The following LIPA variants were observed in gnomAD, a reference collection of about 807,000 sequenced individuals.
LIPA encodes lysosomal acid lipase/cholesteryl ester hydrolase.
Under a neutral mutation model 40.6 loss-of-function variants are expected in LIPA, and 26 were observed. The observed-to-expected ratio is 0.64, with a 90% CI of 0.47 to 0.89. The LOEUF is 0.89. Among genes scored for constraint, LIPA ranks in the 40% least tolerant of loss-of-function variants. The pLI, the probability that LIPA is intolerant of heterozygous loss-of-function variation, is 0.00. For missense variants in LIPA, 455 were observed against 479.6 expected (o/e 0.95, Z 0.48); for synonymous variants, 188 against 168.4 (o/e 1.12, Z -0.90).
intron 1 of LIPA, among the ~76,000 whole-genome samples, chr10:89,334,417 T>G (rs751129270): frequency 1.3e-5 from 2 of 151,498 alleles, no homozygotes; most frequent in Non-Finnish European, 2.9e-5. Flanking sequence ...AGGACTGGCA[T>G]TCTACTCCCC....
intron 2 of LIPA, among the ~76,000 whole-genome samples, chr10:89,365,616 T>C (rs1564800511): frequency 6.6e-6 from 1 of 152,152 alleles, no homozygotes; most frequent in Admixed American, 6.5e-5. Flanking sequence ...CCATCTTGAA[T>C]TAATTTTTGT....
At chr10:89,384,732 A>G (rs555086894) in intron 2 of LIPA, 2 of 1,603,024 alleles carry the variant, frequency 1.2e-6, no homozygotes, top group South Asian at 2.2e-5. Flanking sequence ...TGAACCCTAT[A>G]TTTTAACATA....
At chr10:89,226,848 T>C in intron 5 of LIPA, 47 bp downstream of exon 5, 1 of 1,105,664 alleles carries the variant, frequency 9.0e-7, no homozygotes, top group Non-Finnish European at 1.4e-6. Context: ...GTACAAACTC[T>C]GTAATGAAGA....
chr10:89,258,912 T>C (rs1451131314), intron 1 of LIPA, among the ~76,000 whole-genome samples: 2 of 152,198 alleles, frequency 1.3e-5, no homozygotes, highest in South Asian at 2.1e-4. Flanking sequence ...ACAACATGGA[T>C]GAATCTTGAA....
intron 1 of LIPA, chr10:89,308,053 CTT>C (rs1162308084): frequency 6.6e-6 from 1 of 152,380 alleles, no homozygotes; most frequent in Non-Finnish European, 1.5e-5. Flanking sequence ...TACAAGAAGA[CTT>C]TCAGCAAGTA....
chr10:89,308,948 T>C (rs552393966), intron 1 of LIPA: 1 of 152,350 alleles, frequency 6.6e-6, no homozygotes, highest in Non-Finnish European at 1.5e-5. Context: ...TCATCTGGAA[T>C]TTTGCTGTAC....
chr10:89,216,918 T>C (rs1438320358), intron 8 of LIPA, among the ~76,000 whole-genome samples: 1 of 152,242 alleles, frequency 6.6e-6, no homozygotes, highest in Non-Finnish European at 1.5e-5. Flanking sequence ...CAAGTAGTAC[T>C]GCATGCCAGC....
intron 2 of LIPA, among the ~76,000 whole-genome samples, chr10:89,386,238 C>T (rs1299673811): frequency 6.6e-6 from 1 of 152,140 alleles, no homozygotes; most frequent in Non-Finnish European, 1.5e-5. Flanking sequence ...ACTAGGGAGG[C>T]ATTTACTACT....
intron 3 of LIPA, among the ~76,000 whole-genome samples, chr10:89,236,020 A>G (rs965047284): frequency 2.0e-5 from 3 of 152,188 alleles, no homozygotes; most frequent in Admixed American, 6.5e-5. Flanking sequence ...ATTTGCAACA[A>G]TTTGAGAAAA....
chr10:89,333,336 G>A (rs1843678810), intron 1 of LIPA, among the ~76,000 whole-genome samples: 1 of 152,148 alleles, frequency 6.6e-6, no homozygotes, highest in African/African-American at 2.4e-5. Context: ...GAGTAAAACA[G>A]AAATAAGGTC....
chr10:89,387,384 A>C (rs539368807), intron 2 of LIPA, among the ~76,000 whole-genome samples: 1 of 152,198 alleles, frequency 6.6e-6, no homozygotes, highest in South Asian at 2.1e-4. Context: ...CATAAGAGGG[A>C]ATCAATAAAC....
At chr10:89,233,265 T>G (rs757247673) in intron 3 of LIPA, among the ~76,000 whole-genome samples, 3 of 152,142 alleles carry the variant, frequency 2.0e-5, no homozygotes, top group Non-Finnish European at 4.4e-5. Flanking sequence ...TGTTTTCAAA[T>G]CTGGAGAATC....
At chr10:89,392,481 G>T (rs867579914) in intron 2 of LIPA, 1,429 of 62,222 alleles carry the variant, frequency 0.023, 28 homozygotes, top group African/African-American at 0.081. Flanking sequence ...ACCCCCCCCC[G>T]TCAGCAGGAA....
chr10:89,248,070 T>C (rs1284905944), intron 1 of LIPA, among the ~76,000 whole-genome samples: 2 of 151,942 alleles, frequency 1.3e-5, no homozygotes, highest in African/African-American at 4.8e-5. Context: ...TTTCACCATA[T>C]TGGCTAGGCT....
rs1348256277 is a variant in LIPA at position 89,225,198 on chromosome 10, A to C, written c.569T>G (p.Leu190Arg). Residue 190 changes from leucine (L) to arginine (R), a missense_variant, in exon 6 of 10, where the codon CTG becomes CGG. Transcript: ENST00000336233. ...AAAAAACATTTTAATCCTTTTAGCC[A>C]GCTCAGGGATCTGTGAAAATGCTAT... ...GFIAFSQIPE[L>R]AKRIKMFFAL... is the part of the protein sequence containing the mutation. 1 of 1,614,210 alleles carries C rather than the reference A, an allele frequency of 6.2e-7. No homozygotes were observed. The highest frequency in any genetic ancestry group is 1.3e-5 in the African/African-American group (1 of 75,060).
intron 3 of LIPA, among the ~76,000 whole-genome samples, chr10:89,242,390 C>G (rs983873666): frequency 6.6e-6 from 1 of 152,214 alleles, no homozygotes; most frequent in African/African-American, 2.4e-5. Context: ...CTAAAGATTG[C>G]TGAATGGCAA....
intron 2 of LIPA, among the ~76,000 whole-genome samples, chr10:89,390,770 A>G (rs1385911343): frequency 6.6e-6 from 1 of 152,210 alleles, no homozygotes; most frequent in Non-Finnish European, 1.5e-5. Flanking sequence ...TGCCAAATTC[A>G]CAGCAATGGC....
At chr10:89,325,955 G>A (rs1359889114) in intron 1 of LIPA, among the ~76,000 whole-genome samples, 3 of 152,160 alleles carry the variant, frequency 2.0e-5, no homozygotes, top group Non-Finnish European at 4.4e-5. Context: ...TGGCAAGGAT[G>A]TGGAAAAAAG....
At chr10:89,272,926 C>T (rs1843273187) in intron 1 of LIPA, among the ~76,000 whole-genome samples, 1 of 152,156 alleles carries the variant, frequency 6.6e-6, no homozygotes, top group African/African-American at 2.4e-5. Context: ...GTCCTTTGCC[C>T]ACTTTTTAAT....
Sources: allele counts gnomAD v4.1 joint callset (sites outside exome capture counted in the v4.1 genomes callset), GRCh38; gene constraint gnomAD v4.1.1; transcripts MANE v1.5; gene names NCBI Gene and HGNC (gene_info 2026-07-23, HGNC 2026-07-21).